The following NRK variants were observed in gnomAD, a reference collection of about 807,000 sequenced individuals.
The protein encoded by NRK is Nik related kinase, also known as nik-related protein kinase.
NRK carries 67 observed loss-of-function variants against 125.2 expected under a neutral mutation model. The observed-to-expected ratio is 0.54, with a 90% CI of 0.44 to 0.66. The LOEUF is 0.66. NRK is among the 30% of genes least tolerant of loss of function. NRK has a pLI of 0.00. For missense variants in NRK, 1,224 were observed against 1,192.9 expected, an observed-to-expected ratio of 1.03 and a Z score of -0.38; for synonymous variants, 458 against 429.0, an observed-to-expected ratio of 1.07 and a Z score of -0.84.
chrX:105,940,111 C>A, intron 23 of NRK, 79 bp downstream of exon 23: 1 of 745,456 alleles, frequency 1.3e-6, no homozygotes, highest in Non-Finnish European at 2.0e-6. Flanking sequence ...TTATGAAAGG[C>A]AAAGCAGAGA....
At chrX:105,898,196 C>G (rs904107746) in intron 7 of NRK, among the ~76,000 whole-genome samples, 1 of 112,026 alleles carries the variant, frequency 8.9e-6, no homozygotes, top group South Asian at 3.7e-4. Context: ...GCTTCCTGAT[C>G]AACTGCTAAT....
At chrX:105,829,935 A>G (rs1383906729) in intron 1 of NRK, among the ~76,000 whole-genome samples, 12 of 110,661 alleles carry the variant, frequency 1.1e-4, no homozygotes, top group Non-Finnish European at 9.5e-5. Context: ...TAATGCCAAA[A>G]CCGCAGTTAC....
rs778662087 is a variant in NRK at position 105,842,435 on chromosome X, T to G, written c.123+11316T>G. On this transcript the variant is annotated intron_variant, in intron 2 of 28. Transcript: ENST00000243300. ...GGGCCCATCTCTGAGGCAAGGGTGT[T>G]TTTCCTGTTTTATTGCTTCTACTGG... Among the ~76,000 whole-genome samples, 6 of 111,418 alleles carry G rather than the reference T, an allele frequency of 5.4e-5. No homozygotes were observed. In the East Asian group the frequency reaches 1.7e-3, roughly 32 times the overall value.
chrX:105,890,053 C>T (rs2039997932), intron 5 of NRK, among the ~76,000 whole-genome samples: 1 of 111,875 alleles, frequency 8.9e-6, no homozygotes, highest in South Asian at 3.8e-4. Flanking sequence ...ATTTTCCAAA[C>T]TTTTATGCTC....
intron 26 of NRK, chrX:105,948,700 A>G (rs1191881733): frequency 5.9e-6 from 3 of 508,047 alleles, no homozygotes; most frequent in East Asian, 7.3e-5. Context: ...CATTTTAGTT[A>G]TAAGGATTGT....
At chrX:105,933,158 C>T (rs2040616135) in intron 19 of NRK, among the ~76,000 whole-genome samples, 1 of 94,819 alleles carries the variant, frequency 1.1e-5, no homozygotes, top group Non-Finnish European at 2.1e-5. Flanking sequence ...GGGAAAATAT[C>T]TATGTCTGTC....
At chrX:105,900,734 A>G (rs1248899535) in intron 9 of NRK, 62 bp downstream of exon 9, 7 of 697,742 alleles carry the variant, frequency 1.0e-5, no homozygotes, top group African/African-American at 2.1e-5. Context: ...AAATCATACA[A>G]ATCTCTCTCT....
intron 1 of NRK, among the ~76,000 whole-genome samples, chrX:105,825,448 A>G (rs920142584): frequency 3.4e-4 from 38 of 112,246 alleles, no homozygotes; most frequent in Non-Finnish European, 6.6e-4. Flanking sequence ...CAGAATGTGG[A>G]AGAATAAATA....
At chrX:105,822,084 T>A (rs2039027283), upstream of NRK, among the ~76,000 whole-genome samples, 1 of 112,289 alleles carries the variant, frequency 8.9e-6, no homozygotes, top group African/African-American at 3.2e-5. Context: ...AATGGAGCGA[T>A]AAAATCAGAG....
intron 4 of NRK, among the ~76,000 whole-genome samples, chrX:105,883,202 G>A (rs1436731195): frequency 8.9e-6 from 1 of 112,462 alleles, no homozygotes; most frequent in East Asian, 2.8e-4. Context: ...ATTCAGAGTG[G>A]CAAACACACT....
chrX:105,868,890 C>T (rs370753680), intron 2 of NRK, among the ~76,000 whole-genome samples: 21 of 109,738 alleles, frequency 1.9e-4, no homozygotes, highest in African/African-American at 6.0e-4. Flanking sequence ...TCTGAAATTC[C>T]GACTGCCTTG....
chrX:105,924,635 T>C, intron 18 of NRK, 60 bp from the exon 19 acceptor site: 1 of 984,702 alleles, frequency 1.0e-6, no homozygotes, highest in Non-Finnish European at 1.4e-6. Flanking sequence ...TTGTACTTGC[T>C]AACTTTCAAA....
At chrX:105,941,553 GAA>G (rs1491160828) in intron 23 of NRK, among the ~76,000 whole-genome samples, 11 of 88,386 alleles carry the variant, frequency 1.2e-4, no homozygotes, top group African/African-American at 4.5e-4. Flanking sequence ...GAGAGAGACA[GAA>G]AGAGAGAGAG....
chrX:105,939,679 G>A (rs971296614), intron 22 of NRK, among the ~76,000 whole-genome samples, 195 bp from the exon 23 acceptor site: 1 of 111,621 alleles, frequency 9.0e-6, no homozygotes, highest in African/African-American at 3.3e-5. Flanking sequence ...ACTATCTCTT[G>A]GAATTGAGAG....
intron 1 of NRK, among the ~76,000 whole-genome samples, chrX:105,824,616 A>G (rs1217637417): frequency 6.2e-5 from 5 of 80,458 alleles, no homozygotes; most frequent in Non-Finnish European, 1.1e-4. Context: ...TTTTACTGCC[A>G]CAAAAAAAAA....
chrX:105,908,817 A>G lies in NRK; in HGVS notation c.1176A>G (p.Pro392=). The G allele has an allele frequency of 1.7e-6, 2 of 1,211,073 alleles. No homozygotes were observed. Among genetic ancestry groups the G allele is most frequent in the Non-Finnish European group, 2.2e-6 (2 of 894,973 alleles). The part of the protein sequence containing the change: ...LRVLHGEPSQ[P]RWLPDREEPQ... ...TCCTGCATGGGGAACCCTCTCAGCC[A>G]AGGTGGCTACCTGATCGAGAAGAGC... Residue 392 remains proline, a synonymous_variant, in exon 13 of 29, where the codon CCA becomes CCG. Coordinates refer to ENST00000243300, the MANE Select transcript of NRK (RefSeq NM_198465.4).
intron 2 of NRK, among the ~76,000 whole-genome samples, chrX:105,873,342 GT>G (rs2039772413): frequency 9.0e-6 from 1 of 111,325 alleles, no homozygotes. Flanking sequence ...CAACACAGCT[GT>G]CACAACTGCT....
At chrX:105,915,826 T>A in intron 15 of NRK, 29 bp downstream of exon 15, 1 of 772,498 alleles carries the variant, frequency 1.3e-6, no homozygotes, top group Non-Finnish European at 2.0e-6. Flanking sequence ...TATATTAAAA[T>A]TATTCATAAT....
intron 2 of NRK, among the ~76,000 whole-genome samples, chrX:105,839,917 C>A (rs2147651113): frequency 9.0e-6 from 1 of 111,201 alleles, no homozygotes; most frequent in South Asian, 3.7e-4. Flanking sequence ...AATGAAGCTT[C>A]TAAAGAATGA....
Sources: allele counts gnomAD v4.1 joint callset (sites outside exome capture counted in the v4.1 genomes callset), GRCh38; gene constraint gnomAD v4.1.1; transcripts MANE v1.5; gene names NCBI Gene and HGNC (gene_info 2026-07-23, HGNC 2026-07-21).